The following ATP10B variants were observed in gnomAD, a reference collection of about 807,000 sequenced individuals.
The protein encoded by ATP10B is ATPase phospholipid transporting 10B (putative).
ATP10B carries 122 observed loss-of-function variants against 141.2 expected under a neutral mutation model. The observed-to-expected ratio is 0.86, with a 90% CI of 0.75 to 1.00. ATP10B has a LOEUF of 1.00. Among genes scored for constraint, ATP10B ranks in the 50% least tolerant of loss-of-function variants. The probability of loss-of-function intolerance (pLI) is 0.00; values close to 1 mark genes in which losing one functional copy is unlikely to be tolerated. For synonymous variants in ATP10B, 685 were observed against 692.0 expected (o/e 0.99, Z 0.16); for missense variants, 1,876 against 1,825.3 (o/e 1.03, Z -0.51).
the ATP10B span, among the ~76,000 whole-genome samples, chr5:160,871,162 AC>A: frequency 6.6e-6 from 1 of 152,160 alleles, no homozygotes; most frequent in African/African-American, 2.4e-5. Flanking sequence ...TGAAACTAAA[AC>A]TTTTAATTGA....
At chr5:160,843,466 T>C (rs1775927130) in intron 1 of ATP10B, among the ~76,000 whole-genome samples, 1 of 150,874 alleles carries the variant, frequency 6.6e-6, no homozygotes, top group African/African-American at 2.4e-5. Flanking sequence ...CAAAGAGGAG[T>C]ATCTAAGCAA....
At chr5:160,742,378 T>A (rs1160644128) in intron 2 of ATP10B, among the ~76,000 whole-genome samples, 1 of 151,730 alleles carries the variant, frequency 6.6e-6, no homozygotes, top group African/African-American at 2.4e-5. Flanking sequence ...AATAAAAACT[T>A]AAATTTTTGC....
intron 1 of ATP10B, among the ~76,000 whole-genome samples, chr5:160,804,882 T>C (rs181406140): frequency 1.3e-5 from 2 of 152,304 alleles, no homozygotes; most frequent in Admixed American, 1.3e-4. Flanking sequence ...AGAGATTGGT[T>C]TCAGTAACCC....
At chr5:160,670,715 G>A in intron 6 of ATP10B, 48 bp from the exon 7 acceptor site, 1 of 1,527,510 alleles carries the variant, frequency 6.5e-7, no homozygotes, top group Non-Finnish European at 9.0e-7. Context: ...AGTTTCCTCA[G>A]AACACTAATG....
intron 1 of ATP10B, among the ~76,000 whole-genome samples, chr5:160,813,348 G>C (rs7726583): frequency 5.9e-5 from 9 of 152,190 alleles, no homozygotes; most frequent in South Asian, 2.1e-4. Flanking sequence ...CCCGCGCATG[G>C]CTTGGAGGGT....
intron 22 of ATP10B, 113 bp downstream of exon 22, chr5:160,598,657 A>G: frequency 1.1e-6 from 1 of 910,218 alleles, no homozygotes; most frequent in Non-Finnish European, 1.7e-6. Flanking sequence ...AACAGTGGTC[A>G]GAATGCAGGC....
chr5:160,928,946 C>T, the ATP10B span, among the ~76,000 whole-genome samples: 1 of 152,208 alleles, frequency 6.6e-6, no homozygotes, highest in East Asian at 1.9e-4. Flanking sequence ...AGAGCTATCA[C>T]CATTATCATC....
chr5:160,860,463 T>C, the ATP10B span, among the ~76,000 whole-genome samples: 1 of 152,020 alleles, frequency 6.6e-6, no homozygotes, highest in Non-Finnish European at 1.5e-5. Context: ...TCTAGATACA[T>C]GTAAAGCAAA....
chr5:160,797,099 C>A (rs930312745), intron 1 of ATP10B, among the ~76,000 whole-genome samples: 2 of 152,064 alleles, frequency 1.3e-5, no homozygotes, highest in African/African-American at 4.8e-5. Flanking sequence ...CTAATCACAT[C>A]TAGTTTCAAA....
Position 160,724,083 on chromosome 5 carries a change from A to T in ATP10B, c.-330-7049T>A, listed in dbSNP as rs199968807. 2.0e-5 allele frequency among the ~76,000 whole-genome samples: 3 copies of T among 152,092 alleles called. No individual in the cohort carries two copies. In the East Asian group the frequency reaches 5.8e-4, roughly 29 times the overall value. On this transcript the variant is annotated intron_variant, in intron 2 of 25. Coordinates refer to ENST00000327245, the MANE Select transcript of ATP10B (RefSeq NM_025153.3). The stretch of plus-strand genomic sequence containing the variant: ...AGTGGGAACTAAATGATGAGAACAC[A>T]AGGGTACAGAGAGGGGAAGAACATA...
intron 7 of ATP10B, among the ~76,000 whole-genome samples, chr5:160,658,591 A>G (rs539704123): frequency 7.2e-5 from 11 of 152,286 alleles, no homozygotes; most frequent in African/African-American, 2.4e-4. Context: ...GCCAGAGTTA[A>G]TTTGTCTAGG....
chr5:160,707,813 G>T (rs1765106154), intron 3 of ATP10B, among the ~76,000 whole-genome samples: 1 of 152,188 alleles, frequency 6.6e-6, no homozygotes, highest in African/African-American at 2.4e-5. Flanking sequence ...ACAGGCTTCG[G>T]CATTTAAGTA....
At chr5:160,782,455 ACACACACACACACACACACACACACT>A (rs1770784820) in intron 2 of ATP10B, among the ~76,000 whole-genome samples, 3 of 149,676 alleles carry the variant, frequency 2.0e-5, no homozygotes, top group Admixed American at 2.0e-4. Context: ...ACACACACAC[ACACACACACACACACACACACACACT>A]CACTCACTTT....
At chr5:160,721,179 C>CAT (rs1207460823) in intron 2 of ATP10B, among the ~76,000 whole-genome samples, 1 of 152,230 alleles carries the variant, frequency 6.6e-6, no homozygotes, top group Non-Finnish European at 1.5e-5. Context: ...CCTCGGGGTT[C>CAT]ATGGACCATG....
intron 19 of ATP10B, among the ~76,000 whole-genome samples, chr5:160,606,331 C>T (rs1426584308): frequency 6.6e-6 from 1 of 152,084 alleles, no homozygotes; most frequent in Non-Finnish European, 1.5e-5. Context: ...TGAGACAGTA[C>T]CAATCTTTAA....
At chr5:160,682,216 G>C (rs537486334) in intron 6 of ATP10B, among the ~76,000 whole-genome samples, 3 of 152,182 alleles carry the variant, frequency 2.0e-5, no homozygotes, top group Non-Finnish European at 4.4e-5. Flanking sequence ...AGATGAACAG[G>C]TTTCTTTGCT....
At chr5:160,618,318 C>A (rs1448904937) in intron 15 of ATP10B, among the ~76,000 whole-genome samples, 1 of 152,194 alleles carries the variant, frequency 6.6e-6, no homozygotes, top group East Asian at 1.9e-4. Context: ...CCAGTTAAAG[C>A]CCAGCTGAAT....
Position 160,606,883 on chromosome 5 carries a change from C to T in ATP10B, c.3042G>A (p.Lys1014=), listed in dbSNP as rs781282237. The T allele has an allele frequency of 3.1e-6, 5 of 1,614,124 alleles. No individual in the cohort carries two copies. In the South Asian group the frequency reaches 3.3e-5, roughly 11 times the overall value. ...NAIFQGKLEK[K]FLELTQYCRS... ...GACAATACTGGGTCAATTCCAGAAA[C>T]TTCTTCTCTAGCTTTCCCTGGAAGA... Residue 1014 remains lysine (K), a synonymous_variant, in exon 19 of 26, where the codon AAG becomes AAA. Coordinates refer to ENST00000327245, the MANE Select transcript of ATP10B (RefSeq NM_025153.3).
At chr5:160,877,375 G>C in the ATP10B span, among the ~76,000 whole-genome samples, 5 of 121,684 alleles carry the variant, frequency 4.1e-5, no homozygotes, top group African/African-American at 1.4e-4. Flanking sequence ...GGTATTGATG[G>C]GACATATTTC....
Sources: gnomAD v4.1 joint callset for allele counts (sites outside exome capture counted in the v4.1 genomes callset) on GRCh38, gnomAD v4.1.1 for gene constraint, MANE v1.5 for transcripts, NCBI Gene and HGNC (gene_info 2026-07-23, HGNC 2026-07-21) for gene names.